The following TXNRD1 variants were observed in gnomAD, a reference collection of about 807,000 sequenced individuals.
TXNRD1 encodes the protein thioredoxin reductase 1, cytoplasmic.
A neutral mutation model predicts 80.3 loss-of-function variants in TXNRD1; 57 were observed. The ratio of observed to expected loss-of-function variants is 0.71; its 90% CI spans 0.57 to 0.89. The LOEUF (loss-of-function observed/expected upper bound fraction) is 0.89. Ranked by LOEUF, TXNRD1 falls within the 40% of genes least tolerant of loss-of-function variation. TXNRD1 has a pLI of 0.00. For synonymous variants in TXNRD1, 291 were observed against 285.2 expected, an observed-to-expected ratio of 1.02 and a Z score of -0.20; for missense variants, 730 against 803.0, an observed-to-expected ratio of 0.91 and a Z score of 1.10.
At chr12:104,328,860 A>G (rs989310673) in intron 13 of TXNRD1, among the ~76,000 whole-genome samples, 1 of 152,064 alleles carries the variant, frequency 6.6e-6, no homozygotes, top group African/African-American at 2.4e-5. Context: ...TCAGTATAGG[A>G]TGTTAAAACT....
intron 7 of TXNRD1, among the ~76,000 whole-genome samples, chr12:104,317,608 G>A (rs2035376923): frequency 6.6e-6 from 1 of 152,120 alleles, no homozygotes; most frequent in Non-Finnish European, 1.5e-5. Context: ...AGGAGGCCAA[G>A]GGGAAAGGAT....
In TXNRD1 at chr12:104,313,292, T is replaced by C. The variant is rs745353437; in HGVS notation, c.585T>C (p.Thr195=). 1 of 1,592,038 alleles carries C rather than the reference T, an allele frequency of 6.3e-7. No homozygotes were observed. Among genetic ancestry groups the C allele is most frequent in the South Asian group, 1.1e-5 (1 of 87,438 alleles). The part of the protein sequence containing the change: ...GKKVMVLDFV[T]PTPLGTRWGL... The stretch of plus-strand genomic sequence containing the variant: ...AGGTGATGGTCCTGGACTTTGTCAC[T>C]CCCACCCCTCTTGGAACTAGATGGG... Residue 195 remains threonine (T), a synonymous_variant, in exon 6 of 17, where the codon ACT becomes ACC. Transcript: ENST00000525566.
intron 16 of TXNRD1, among the ~76,000 whole-genome samples, chr12:104,344,607 C>T (rs1248407715): frequency 6.6e-6 from 1 of 152,142 alleles, no homozygotes; most frequent in Non-Finnish European, 1.5e-5. Context: ...ATTCCATATC[C>T]TTCTAGCTAT....
At chr12:104,333,216 AGAT>A (rs1158994872) in intron 14 of TXNRD1, among the ~76,000 whole-genome samples, 1 of 152,016 alleles carries the variant, frequency 6.6e-6, no homozygotes, top group East Asian at 1.9e-4. Flanking sequence ...TATTTTTTGA[AGAT>A]AGATTTCCTG....
intron 1 of TXNRD1, among the ~76,000 whole-genome samples, chr12:104,249,842 A>G (rs370575248): frequency 2.2e-4 from 33 of 150,968 alleles, no homozygotes; most frequent in East Asian, 5.9e-4. Flanking sequence ...GGCTGAGGCA[A>G]GAGAATGGCG....
chr12:104,316,610 C>T (rs903452526), intron 7 of TXNRD1, among the ~76,000 whole-genome samples: 2 of 152,060 alleles, frequency 1.3e-5, no homozygotes, highest in African/African-American at 2.4e-5. Context: ...AGGATGGTCT[C>T]GATCTCCTGA....
intron 16 of TXNRD1, among the ~76,000 whole-genome samples, chr12:104,345,381 T>C (rs1355197673): frequency 2.0e-5 from 3 of 152,182 alleles, no homozygotes; most frequent in African/African-American, 4.8e-5. Context: ...TCCTGGGCAA[T>C]TGAGAGCAGT....
At chr12:104,216,839 A>C (rs1398735892) in intron 1 of TXNRD1, among the ~76,000 whole-genome samples, 1 of 152,212 alleles carries the variant, frequency 6.6e-6, no homozygotes, top group Non-Finnish European at 1.5e-5. Context: ...AGAATTATTA[A>C]ATGCTGTAGG....
rs564364286 is a variant in TXNRD1 at position 104,328,492 on chromosome 12, C to A, written c.1542+821C>A. Among the ~76,000 whole-genome samples, 6 of 152,304 alleles carry A rather than the reference C, an allele frequency of 3.9e-5. No individual in the cohort carries two copies. The East Asian group carries it at 1.2e-3, about 29-fold the overall frequency. On this transcript the variant is annotated intron_variant, in intron 13 of 16. Coordinates refer to ENST00000525566, the MANE Select transcript of TXNRD1 (RefSeq NM_001093771.3). ...GTCTTAGAGGCCAGGTGCGTTGGCTCATGCCTGTAATCCCAGCACTTTGGG... is the reference window on the plus strand; with the variant it reads ...GTCTTAGAGGCCAGGTGCGTTGGCTAATGCCTGTAATCCCAGCACTTTGGG...
chr12:104,300,328 G>A (rs763297159), intron 4 of TXNRD1, among the ~76,000 whole-genome samples: 3 of 152,206 alleles, frequency 2.0e-5, no homozygotes, highest in Non-Finnish European at 4.4e-5. Flanking sequence ...GAGGAAAAAG[G>A]GGAAAGAGGG....
intron 15 of TXNRD1, among the ~76,000 whole-genome samples, chr12:104,336,404 C>T (rs553461274): frequency 1.0e-3 from 156 of 152,288 alleles, no homozygotes; most frequent in Admixed American, 0.01. Flanking sequence ...GCTCTTTTGT[C>T]ATGAGTAATC....
chr12:104,251,750 C>T (rs1040767001), intron 2 of TXNRD1, 72 bp downstream of exon 2: 2 of 1,546,196 alleles, frequency 1.3e-6, no homozygotes, highest in East Asian at 2.3e-5. Context: ...CAAATGTAAA[C>T]AACTGGATTT....
chr12:104,267,756 C>T (rs1423889766), intron 3 of TXNRD1, among the ~76,000 whole-genome samples: 3 of 137,648 alleles, frequency 2.2e-5, no homozygotes, highest in Admixed American at 7.6e-5. Context: ...TCCTTCCTTC[C>T]TCCCTCCCTT....
intron 15 of TXNRD1, 39 bp downstream of exon 15, chr12:104,334,371 AGTTGTTGTTTTTT>A: frequency 7.8e-7 from 1 of 1,280,226 alleles, no homozygotes; most frequent in Non-Finnish European, 1.0e-6. Flanking sequence ...AATTTTATTT[AGTTGTTGTTTTTT>A]GTTGTTGTTT....
chr12:104,238,832 G>T (rs977678767), intron 1 of TXNRD1, among the ~76,000 whole-genome samples: 35 of 150,882 alleles, frequency 2.3e-4, no homozygotes, highest in Admixed American at 1.3e-3. Context: ...TTTACAAAGG[G>T]CATTGGTCTG....
intron 4 of TXNRD1, among the ~76,000 whole-genome samples, chr12:104,305,727 A>G (rs558559468): frequency 6.6e-5 from 10 of 152,316 alleles, no homozygotes; most frequent in South Asian, 2.1e-4. Context: ...TTGTCAAACT[A>G]TTATACATTG....
intron 6 of TXNRD1, 31 bp from the exon 7 acceptor site, chr12:104,315,746 G>A: frequency 6.2e-7 from 1 of 1,600,738 alleles, no homozygotes; most frequent in East Asian, 2.3e-5. Flanking sequence ...TGGAAAGCAG[G>A]TTATAAACTG....
chr12:104,224,981 A>G, intron 1 of TXNRD1: 1 of 442,044 alleles, frequency 2.3e-6, no homozygotes, highest in Non-Finnish European at 4.6e-6. Context: ...GGAACATTGT[A>G]TTTCCCAGTA....
chr12:104,236,480 T>G (rs1258450519), intron 1 of TXNRD1, among the ~76,000 whole-genome samples: 5 of 152,278 alleles, frequency 3.3e-5, no homozygotes, highest in African/African-American at 9.6e-5. Context: ...TAAAGGATTT[T>G]CTTAAAGAGC....
Sources: allele counts gnomAD v4.1 joint callset (sites outside exome capture counted in the v4.1 genomes callset), GRCh38; gene constraint gnomAD v4.1.1; transcripts MANE v1.5; gene names NCBI Gene and HGNC (gene_info 2026-07-23, HGNC 2026-07-21).